MBP: variants seen among roughly 807,000 people sequenced by gnomAD.
MBP encodes myelin basic protein.
In MBP, 16 loss-of-function variants were observed where a neutral mutation model predicts 35.8. The observed-to-expected ratio is 0.45, with a 90% CI of 0.30 to 0.68. MBP has a LOEUF of 0.68. MBP is among the 30% of genes least tolerant of loss of function. The probability of loss-of-function intolerance (pLI) is 0.08; values close to 1 mark genes in which losing one functional copy is unlikely to be tolerated. For missense variants in MBP, 380 were observed against 404.7 expected, an observed-to-expected ratio of 0.94 and a Z score of 0.52; for synonymous variants, 143 against 159.6, an observed-to-expected ratio of 0.90 and a Z score of 0.78.
At chr18:77,043,333 T>G (rs1009524956) in intron 3 of MBP, among the ~76,000 whole-genome samples, 1 of 152,192 alleles carries the variant, frequency 6.6e-6, no homozygotes, top group Non-Finnish European at 1.5e-5. Flanking sequence ...GTCATGAAAA[T>G]AAATTAATAA....
At chr18:77,059,187 A>T (rs1973864929) in intron 3 of MBP, among the ~76,000 whole-genome samples, 2 of 152,224 alleles carry the variant, frequency 1.3e-5, no homozygotes, top group African/African-American at 2.4e-5. Context: ...CAAACTTGAG[A>T]CAACCAAAAT....
chr18:77,016,312 C>T (rs555478468), intron 4 of MBP: 4 of 987,006 alleles, frequency 4.1e-6, no homozygotes, highest in Admixed American at 6.1e-5. Flanking sequence ...CCACAGAGAA[C>T]GTTTGCTCAA....
At chr18:77,079,114 G>C (rs79230013) in intron 2 of MBP, among the ~76,000 whole-genome samples, 99 of 152,348 alleles carry the variant, frequency 6.5e-4, no homozygotes, top group African/African-American at 2.3e-3. Context: ...CTGCAGAGTT[G>C]GCAGAAAGAA....
chr18:77,077,731 C>G (rs1469376736), intron 2 of MBP, among the ~76,000 whole-genome samples: 2 of 152,234 alleles, frequency 1.3e-5, no homozygotes, highest in Non-Finnish European at 2.9e-5. Flanking sequence ...ACAGGTGACT[C>G]TCAGCACAGT....
chr18:77,094,252 G>A (rs1975667311), intron 2 of MBP, among the ~76,000 whole-genome samples: 1 of 152,214 alleles, frequency 6.6e-6, no homozygotes, highest in Non-Finnish European at 1.5e-5. Context: ...GGGATTACAG[G>A]CGTGAGCCAC....
intron 1 of MBP, among the ~76,000 whole-genome samples, chr18:77,125,897 A>AG (rs1977033727): frequency 6.6e-6 from 1 of 151,800 alleles, no homozygotes; most frequent in African/African-American, 2.4e-5. Context: ...CCAAAAAAAA[A>AG]AGAGCTAAAT....
At position 77,020,038 on chromosome 18, in the gene MBP, C is replaced by T. The variant is rs866500028; in HGVS notation, c.140-2770G>A. On this transcript the variant is annotated intron_variant, in intron 3 of 8. Transcript: ENST00000355994. This position sits in a 1 kb window ranked among gnomAD's most constrained non-coding sequence, Gnocchi z 4.1. ...CAGACTGTGGAAAGGGCAGAGCAGGCAGCTATGTGGCGAGAAGACAGGGCT... is the reference window on the plus strand; with the variant it reads ...CAGACTGTGGAAAGGGCAGAGCAGGTAGCTATGTGGCGAGAAGACAGGGCT... Among the ~76,000 whole-genome samples, 11 of 152,024 alleles carry T rather than the reference C, an allele frequency of 7.2e-5. No homozygotes were observed. The highest frequency in any genetic ancestry group is 1.7e-4 in the African/African-American group (7 of 41,400).
rs1969034761 is a variant in MBP, at chr18:76,978,902, A to C, written c.*1525T>G. The C allele has an allele frequency of 6.6e-6, 1 of 152,216 alleles. No homozygotes were observed. The highest frequency in any genetic ancestry group is 2.1e-4 in the South Asian group (1 of 4,828). 9.4% of individuals were successfully genotyped at this position (152,216 alleles called of 1,614,324 possible). ...GTACACTTTCCGTTCAGCCATCGTC[A>C]CAGCACGTGCTGTGTGGGTGCGGCC... is the stretch of plus-strand genomic sequence containing the variant. On this transcript the variant is annotated 3_prime_UTR_variant, in exon 9 of 9. Coordinates refer to ENST00000355994, the MANE Select transcript of MBP (RefSeq NM_001025101.2).
intron 4 of MBP, chr18:77,013,778 G>A (rs1410280718): frequency 1.1e-5 from 11 of 985,348 alleles, no homozygotes; most frequent in Non-Finnish European, 1.3e-5. Flanking sequence ...TGTCCTGGCT[G>A]CTTTCTGCTT....
chr18:77,112,059 A>G (rs533764091), intron 1 of MBP, among the ~76,000 whole-genome samples: 58 of 152,248 alleles, frequency 3.8e-4, no homozygotes, highest in Admixed American at 3.7e-3. Context: ...TTCTGCAAGC[A>G]ATCATTTTTA....
intron 4 of MBP, chr18:77,014,360 G>C (rs59454959): frequency 3.2e-5 from 32 of 985,442 alleles, no homozygotes; most frequent in East Asian, 2.3e-4. Context: ...AGGGTCATGG[G>C]GGGGCTCCAC....
At chr18:77,128,597 T>C (rs1286043734) in intron 1 of MBP, among the ~76,000 whole-genome samples, 1 of 152,088 alleles carries the variant, frequency 6.6e-6, no homozygotes, top group Admixed American at 6.5e-5. Flanking sequence ...GAATCTGAAA[T>C]CTGAACAAAG....
At chr18:77,128,598 C>T (rs1321227706) in intron 1 of MBP, among the ~76,000 whole-genome samples, 1 of 151,938 alleles carries the variant, frequency 6.6e-6, no homozygotes. Flanking sequence ...AATCTGAAAT[C>T]TGAACAAAGT....
chr18:76,984,960 G>A, intron 7 of MBP, 66 bp from the exon 8 acceptor site: 3 of 1,596,988 alleles, frequency 1.9e-6, no homozygotes, highest in East Asian at 2.2e-5. Flanking sequence ...TGAGCCACTG[G>A]GAGCTGCCAC....
rs957663585 is a variant in MBP at position 77,062,878 on chromosome 18, C to T, written c.139+3420G>A. The stretch of plus-strand genomic sequence containing the variant: ...GACGTTCACAGAGATCTTAGGTATG[C>T]GTGTCCTGCAGAGTGGTTAGCTAAG... On this transcript the variant is annotated intron_variant, in intron 3 of 8. Coordinates refer to ENST00000355994, the MANE Select transcript of MBP (RefSeq NM_001025101.2). 5.3e-5 allele frequency among the ~76,000 whole-genome samples: 8 copies of T among 152,330 alleles called. No individual in the cohort carries two copies. The East Asian group carries it at 1.4e-3, about 26-fold the overall frequency.
chr18:77,121,331 T>A (rs1326466029), intron 1 of MBP, among the ~76,000 whole-genome samples: 1 of 150,914 alleles, frequency 6.6e-6, no homozygotes, highest in African/African-American at 2.4e-5. Context: ...AATAAATAAA[T>A]AAGATTTTTA....
intron 2 of MBP, among the ~76,000 whole-genome samples, chr18:77,069,546 C>T (rs536340640): frequency 2.6e-5 from 4 of 152,316 alleles, no homozygotes; most frequent in South Asian, 2.1e-4. Context: ...CTCCCATTGG[C>T]GTGGGAAGCC....
intron 4 of MBP, chr18:77,015,025 A>T: frequency 2.0e-6 from 2 of 983,198 alleles, no homozygotes; most frequent in Non-Finnish European, 1.2e-6. Flanking sequence ...TTCTGAGACT[A>T]GAATGTTTTC....
chr18:77,098,010 C>T (rs565105685), intron 2 of MBP, among the ~76,000 whole-genome samples: 10 of 152,216 alleles, frequency 6.6e-5, no homozygotes, highest in South Asian at 2.1e-4. Context: ...GAGCCCTCCC[C>T]GTAGCTTCTC....
Sources: allele counts gnomAD v4.1 joint callset (sites outside exome capture counted in the v4.1 genomes callset), GRCh38; gene constraint gnomAD v4.1.1; non-coding constraint Gnocchi (gnomAD v3.1); transcripts MANE v1.5; gene names NCBI Gene and HGNC (gene_info 2026-07-23, HGNC 2026-07-21).